Variants in NMT1 observed in about 807,000 individuals in gnomAD.
NMT1 encodes the protein glycylpeptide N-tetradecanoyltransferase 1.
NMT1 carries 12 observed loss-of-function variants against 63.4 expected under a neutral mutation model. The observed-to-expected ratio is 0.19, with a 90% CI of 0.12 to 0.31. The LOEUF is 0.31. Among genes scored for constraint, NMT1 ranks in the 10% least tolerant of loss-of-function variants. The pLI is 1.00. For synonymous variants in NMT1, 228 were observed against 234.3 expected, an observed-to-expected ratio of 0.97 and a Z score of 0.25; for missense variants, 432 against 634.6, an observed-to-expected ratio of 0.68 and a Z score of 3.43.
intron 8 of NMT1, 62 bp downstream of exon 8, chr17:45,099,575 A>T: frequency 8.2e-7 from 1 of 1,222,042 alleles, no homozygotes; most frequent in South Asian, 1.2e-5. Context: ...CCTGGCTGTC[A>T]GCAGGAGAGA....
Position 45,105,481 on chromosome 17 carries a change from C to T in NMT1, c.1471-138C>T, listed in dbSNP as rs1045484984. On this transcript the variant is annotated intron_variant, in intron 11 of 11. Transcript: ENST00000258960. This position sits in a 1 kb window ranked among gnomAD's most constrained non-coding sequence, Gnocchi z 4.2. ...CTGGTGTGGAGGTTGAGTGTGGGGC[C>T]GGCTGGGTGTGAGTCTGCTCCCACA... 7.4e-5 allele frequency: 66 copies of T among 890,274 alleles called. No homozygotes were observed. Among genetic ancestry groups the T allele is most frequent in the African/African-American group, 4.4e-4 (26 of 59,702 alleles). The allele number at this position is 890,274 out of a possible 1,614,324, so 55.1% of individuals were successfully genotyped here.
chr17:45,107,108 C>G lies in NMT1; in HGVS notation c.*1469C>G, dbSNP rs2054207317. On this transcript the variant is annotated 3_prime_UTR_variant, in exon 12 of 12. Transcript: ENST00000258960. ...TGCTGCCGTCACCTCTCCGCTCATA[C>G]AGGAATGAAGCCTTAGCCAGGAGGC... The G allele has an allele frequency of 6.6e-6, 1 of 152,244 alleles. No homozygotes were observed. Among genetic ancestry groups the G allele is most frequent in the Admixed American group, 6.5e-5 (1 of 15,292 alleles). 9.4% of individuals were successfully genotyped at this position (152,244 alleles called of 1,614,324 possible).
intron 3 of NMT1, among the ~76,000 whole-genome samples, chr17:45,089,491 A>G (rs941659729): frequency 1.3e-5 from 2 of 151,626 alleles, no homozygotes; most frequent in Admixed American, 1.3e-4. Context: ...ACAGGTGCCC[A>G]CCACCACGCC....
rs547155925 is a variant in NMT1, at chr17:45,104,297, G to A, written c.1332+421G>A. The A allele has an allele frequency of 3.0e-5, 35 of 1,182,430 alleles. 2 individuals carry two copies. The Middle Eastern group carries it at 3.1e-3, about 104-fold the overall frequency. 73.2% of individuals were successfully genotyped at this position (1,182,430 alleles called of 1,614,324 possible). ...CTGTCAGTGCTTTGCTGTGGGTTCT[G>A]GTAACCTGTGCCCAGCCCAGCCCAG... On this transcript the variant is annotated intron_variant, in intron 10 of 11. Coordinates refer to ENST00000258960, the MANE Select transcript of NMT1 (RefSeq NM_021079.5). The surrounding 1 kb of genome is among the most constrained non-coding windows in gnomAD (Gnocchi z 4.2).
chr17:45,093,076 C>G (rs1458710893), intron 3 of NMT1, among the ~76,000 whole-genome samples: 1 of 152,226 alleles, frequency 6.6e-6, no homozygotes, highest in African/African-American at 2.4e-5. Context: ...GATGTTGTGT[C>G]AGGGTGACTT....
In NMT1 at chr17:45,104,709, C is replaced by T. The variant is rs967323586; in HGVS notation, c.1333-150C>T. The T allele has an allele frequency of 9.6e-6, 14 of 1,462,788 alleles. No individual in the cohort carries two copies. In the East Asian group the frequency reaches 2.2e-4, roughly 23 times the overall value. 90.6% of individuals were successfully genotyped at this position (1,462,788 alleles called of 1,614,324 possible). On this transcript the variant is annotated intron_variant, in intron 10 of 11. Coordinates refer to ENST00000258960, the MANE Select transcript of NMT1 (RefSeq NM_021079.5). This position sits in a 1 kb window ranked among gnomAD's most constrained non-coding sequence, Gnocchi z 4.2. ...AGTGTCCTGAGAACCACCCGGAGAGCGGGGATTAACGTGGAAGCAGCGGAG... is the reference window on the plus strand; with the variant it reads ...AGTGTCCTGAGAACCACCCGGAGAGTGGGGATTAACGTGGAAGCAGCGGAG...
Position 45,093,668 on chromosome 17 carries a change from C to G in NMT1, c.386-17C>G, listed in dbSNP as rs377470286. On this transcript the variant is annotated splice_polypyrimidine_tract_variant and intron_variant, in intron 3 of 11. Transcript: ENST00000258960. ...AGGGGGCAAAGGGTGAGGCTCACAG[C>G]TGTGCTCTTCTTTCAGGCGAAGTGG... The G allele has an allele frequency of 5.0e-6, 8 of 1,609,196 alleles. No individual in the cohort carries two copies. In the African/African-American group the frequency reaches 1.1e-4, roughly 21 times the overall value.
intron 8 of NMT1, among the ~76,000 whole-genome samples, chr17:45,101,853 A>G (rs1044684856): frequency 2.0e-5 from 3 of 152,154 alleles, no homozygotes; most frequent in Non-Finnish European, 4.4e-5. Flanking sequence ...ACCGTTAGAC[A>G]CTGCCAAAAG....
At chr17:45,070,912 A>G (rs79657831) in intron 1 of NMT1, among the ~76,000 whole-genome samples, 1,544 of 152,244 alleles carry the variant, frequency 0.01, 27 homozygotes, top group African/African-American at 0.035. Flanking sequence ...TGGGATTCAC[A>G]AGCAGTTTTT....
At chr17:45,068,831 G>A (rs1245855309) in intron 1 of NMT1, among the ~76,000 whole-genome samples, 1 of 152,146 alleles carries the variant, frequency 6.6e-6, no homozygotes, top group African/African-American at 2.4e-5. Flanking sequence ...ATTTTTAATA[G>A]AGACACGGTT....
At chr17:45,070,150 G>C (rs1174004278) in intron 1 of NMT1, among the ~76,000 whole-genome samples, 1 of 152,104 alleles carries the variant, frequency 6.6e-6, no homozygotes, top group East Asian at 1.9e-4. Flanking sequence ...TCAGTACTCT[G>C]GCTTACTATC....
At position 45,104,678 on chromosome 17, in the gene NMT1, G is replaced by A. The variant is rs773718039; in HGVS notation, c.1333-181G>A. ...GGGCAGAGGCCAGGCTGGAGGGGGC[G>A]CTCAGAGTGTCCTGAGAACCACCCG... On this transcript the variant is annotated intron_variant, in intron 10 of 11. Coordinates refer to ENST00000258960, the MANE Select transcript of NMT1 (RefSeq NM_021079.5). The surrounding 1 kb of genome is among the most constrained non-coding windows in gnomAD (Gnocchi z 4.2). 1.3e-5 allele frequency: 18 copies of A among 1,429,276 alleles called. No individual in the cohort carries two copies. Among genetic ancestry groups the A allele is most frequent in the East Asian group, 2.5e-5 (1 of 39,312 alleles). The allele number at this position is 1,429,276 out of a possible 1,614,324, so 88.5% of individuals were successfully genotyped here. A position where few individuals can be genotyped will look rare whatever the true frequency, so the allele number is the denominator to read the frequency against.
intron 8 of NMT1, among the ~76,000 whole-genome samples, chr17:45,100,862 CAAAAAAAAAAAAAAAAAAAAAAA>C (rs71136069): frequency 5.2e-4 from 17 of 32,596 alleles, no homozygotes; most frequent in African/African-American, 1.3e-3. Context: ...GACTCCGTCT[CAAAAAAAAAAAAAAAAAAAAAAA>C]AAAAAAAAAA....
At position 45,092,346 on chromosome 17, in the gene NMT1, C is replaced by T. The variant is rs566016912; in HGVS notation, c.386-1339C>T. On this transcript the variant is annotated intron_variant, in intron 3 of 11. Transcript: ENST00000258960. ...AGATGATCAGTGCCAGCGGTGGTGT[C>T]GTGTGCTGCAGCCTGATGCAGCCCT... is the stretch of plus-strand genomic sequence containing the variant. 1.1e-4 allele frequency among the ~76,000 whole-genome samples: 17 copies of T among 152,198 alleles called. No individual in the cohort carries two copies. In the East Asian group the frequency reaches 3.1e-3, roughly 28 times the overall value.
In NMT1 at chr17:45,062,215, C is replaced by A. The variant is rs532373357; in HGVS notation, c.131+755C>A. On this transcript the variant is annotated intron_variant, in intron 1 of 11. Transcript: ENST00000258960. The stretch of plus-strand genomic sequence containing the variant: ...TACTTTAGGGTCTTGCCATTAGTTA[C>A]TATTTGTTCCTAGGGATGAAGAAAC... Among the ~76,000 whole-genome samples the A allele has an allele frequency of 4.6e-5, 7 of 152,302 alleles. No homozygotes were observed. In the South Asian group the frequency reaches 1.5e-3, roughly 32 times the overall value.
At chr17:45,078,007 C>G (rs564985921) in intron 1 of NMT1, among the ~76,000 whole-genome samples, 5 of 152,254 alleles carry the variant, frequency 3.3e-5, no homozygotes. Context: ...AGTAGGTGTA[C>G]TTGCATCTAG....
At chr17:45,100,657 C>T (rs374813183) in intron 8 of NMT1, among the ~76,000 whole-genome samples, 3 of 150,154 alleles carry the variant, frequency 2.0e-5, no homozygotes, top group Non-Finnish European at 3.0e-5. Flanking sequence ...GTCAGGAGAT[C>T]GAGACCATCC....
chr17:45,094,560 G>T (rs949352741), intron 4 of NMT1, among the ~76,000 whole-genome samples: 1 of 150,396 alleles, frequency 6.6e-6, no homozygotes, highest in Non-Finnish European at 1.5e-5. Context: ...TGTTGCCCAG[G>T]CTGGAGTGCA....
intron 3 of NMT1, among the ~76,000 whole-genome samples, chr17:45,091,576 G>A (rs2054088744): frequency 6.6e-6 from 1 of 152,212 alleles, no homozygotes; most frequent in Non-Finnish European, 1.5e-5. Flanking sequence ...ATAGGAAAAG[G>A]TATAAATTCA....
Sources: gnomAD v4.1 joint callset for allele counts (sites outside exome capture counted in the v4.1 genomes callset) on GRCh38, gnomAD v4.1.1 for gene constraint, Gnocchi (gnomAD v3.1) non-coding constraint, MANE v1.5 for transcripts, NCBI Gene and HGNC (gene_info 2026-07-23, HGNC 2026-07-21) for gene names.